The following IL1RAPL1 variants were observed in gnomAD, a reference collection of about 807,000 sequenced individuals.
IL1RAPL1 encodes interleukin 1 receptor accessory protein like 1.
A neutral mutation model predicts 48.4 loss-of-function variants in IL1RAPL1; 3 were observed. The observed-to-expected ratio is 0.06, with a 90% CI of 0.03 to 0.16. The LOEUF is 0.16. IL1RAPL1 is among the 10% of genes least tolerant of loss of function. The pLI is 1.00. For missense variants in IL1RAPL1, 349 were observed against 530.6 expected (o/e 0.66, Z 3.36); for synonymous variants, 185 against 187.7 (o/e 0.99, Z 0.12).
At chrX:29,009,869 G>C (rs1211480718) in intron 2 of IL1RAPL1, among the ~76,000 whole-genome samples, 1 of 111,792 alleles carries the variant, frequency 8.9e-6, no homozygotes, top group Non-Finnish European at 1.9e-5. Context: ...TAACAATATT[G>C]ATTCTTCCAA....
intron 5 of IL1RAPL1, among the ~76,000 whole-genome samples, chrX:29,527,356 T>TTTTTTTTTTTTC (rs1935564230): frequency 1.1e-5 from 1 of 92,475 alleles, no homozygotes; most frequent in Non-Finnish European, 2.1e-5. Flanking sequence ...TTTTTTTTTT[T>TTTTTTTTTTTTC]GAGACGGAGT....
At chrX:28,851,006 CATG>C (rs1208076567) in intron 2 of IL1RAPL1, among the ~76,000 whole-genome samples, 1 of 106,697 alleles carries the variant, frequency 9.4e-6, no homozygotes, top group Admixed American at 1.0e-4. Context: ...TTTAGCAAAT[CATG>C]ACAACTTGAT....
chrX:29,521,633 C>T (rs757897105), intron 5 of IL1RAPL1, among the ~76,000 whole-genome samples: 110 of 112,032 alleles, frequency 9.8e-4, no homozygotes, highest in Non-Finnish European at 1.9e-3. Flanking sequence ...TGCACCATCA[C>T]GCTCAGCTCT....
At chrX:29,269,818 A>C (rs1932012121) in intron 2 of IL1RAPL1, among the ~76,000 whole-genome samples, 1 of 110,876 alleles carries the variant, frequency 9.0e-6, no homozygotes, top group African/African-American at 3.3e-5. Flanking sequence ...GCGATTTGGT[A>C]TGTTTTGACA....
At chrX:29,504,550 T>G (rs1192176799) in intron 5 of IL1RAPL1, among the ~76,000 whole-genome samples, 1 of 112,038 alleles carries the variant, frequency 8.9e-6, no homozygotes, top group Non-Finnish European at 1.9e-5. Context: ...ATTGTTCCAT[T>G]CTCTTGCTGA....
chrX:29,832,705 GTTTTTTTT>G (rs67136004), intron 6 of IL1RAPL1, among the ~76,000 whole-genome samples: 1 of 85,044 alleles, frequency 1.2e-5, no homozygotes, highest in Non-Finnish European at 2.4e-5. Flanking sequence ...TTTTGTTTTT[GTTTTTTTT>G]TTTTTTTGGC....
intron 5 of IL1RAPL1, among the ~76,000 whole-genome samples, chrX:29,519,409 G>A: frequency 8.9e-6 from 1 of 111,883 alleles, no homozygotes; most frequent in South Asian, 3.7e-4. Flanking sequence ...AGAGCCCCAG[G>A]ACAATCTGTA....
intron 2 of IL1RAPL1, among the ~76,000 whole-genome samples, chrX:29,232,814 T>C (rs1326890915): frequency 9.0e-6 from 1 of 111,254 alleles, no homozygotes; most frequent in Admixed American, 9.6e-5. Context: ...TTTATTTTTT[T>C]TGAGGCAAGT....
chrX:29,343,550 C>G (rs976869274), intron 3 of IL1RAPL1, among the ~76,000 whole-genome samples: 5 of 111,625 alleles, frequency 4.5e-5, no homozygotes, highest in African/African-American at 1.3e-4. Flanking sequence ...ACCAAGCACA[C>G]AGTAGAAACT....
chrX:29,862,146 C>A (rs1931598419), intron 6 of IL1RAPL1, among the ~76,000 whole-genome samples: 1 of 101,597 alleles, frequency 9.8e-6, no homozygotes, highest in Non-Finnish European at 2.0e-5. Context: ...GGCGACAGAG[C>A]AAGACCCTGT....
At chrX:29,078,005 C>T (rs756276466) in intron 2 of IL1RAPL1, among the ~76,000 whole-genome samples, 19 of 112,123 alleles carry the variant, frequency 1.7e-4, no homozygotes, top group Admixed American at 7.5e-4. Flanking sequence ...CGGCCCAGCA[C>T]GGTGGCTCGT....
chrX:29,587,912 A>G (rs1923236585), intron 5 of IL1RAPL1, among the ~76,000 whole-genome samples: 1 of 112,084 alleles, frequency 8.9e-6, no homozygotes, highest in South Asian at 3.7e-4. Flanking sequence ...GCTTTTCTCT[A>G]TTCAAACTAT....
chrX:28,776,940 TAAAC>T (rs1358820697), intron 1 of IL1RAPL1, among the ~76,000 whole-genome samples: 10 of 112,331 alleles, frequency 8.9e-5, no homozygotes, highest in Admixed American at 8.5e-4. Flanking sequence ...ATGCTAATGA[TAAAC>T]AAAAATATTC....
chrX:29,776,110 G>A (rs1424875743), intron 6 of IL1RAPL1, among the ~76,000 whole-genome samples: 1 of 111,513 alleles, frequency 9.0e-6, no homozygotes, highest in Non-Finnish European at 1.9e-5. Flanking sequence ...AGAAGCATTT[G>A]ATCATGACAT....
intron 1 of IL1RAPL1, among the ~76,000 whole-genome samples, chrX:28,684,890 G>GT (rs1284872234): frequency 8.9e-6 from 1 of 111,823 alleles, no homozygotes; most frequent in Non-Finnish European, 1.9e-5. Flanking sequence ...ATTGATAAGT[G>GT]TAACTATTAA....
chrX:29,933,385 A>G (rs370876978), intron 8 of IL1RAPL1, among the ~76,000 whole-genome samples: 14 of 111,784 alleles, frequency 1.3e-4, no homozygotes, highest in African/African-American at 4.5e-4. Flanking sequence ...TCATTTTTCT[A>G]TATATTAAAA....
chrX:28,700,417 C>T (rs769323391), intron 1 of IL1RAPL1, among the ~76,000 whole-genome samples: 13 of 110,976 alleles, frequency 1.2e-4, no homozygotes, highest in Non-Finnish European at 2.1e-4. Flanking sequence ...GAAGCAGATA[C>T]TATCATTATC....
intron 2 of IL1RAPL1, among the ~76,000 whole-genome samples, chrX:29,281,756 CAG>C (rs1179977541): frequency 1.8e-5 from 2 of 112,110 alleles, no homozygotes; most frequent in Non-Finnish European, 3.8e-5. Flanking sequence ...TTAAATGTAA[CAG>C]GGGATTATAG....
At chrX:29,521,895 A>T (rs933935438) in intron 5 of IL1RAPL1, among the ~76,000 whole-genome samples, 2 of 111,579 alleles carry the variant, frequency 1.8e-5, no homozygotes, top group African/African-American at 6.5e-5. Context: ...AAAGTTATCT[A>T]TTCTGATTTC....
Sources: gnomAD v4.1 joint callset for allele counts (sites outside exome capture counted in the v4.1 genomes callset) on GRCh38, gnomAD v4.1.1 for gene constraint, MANE v1.5 for transcripts, NCBI Gene and HGNC (gene_info 2026-07-23, HGNC 2026-07-21) for gene names.